SEMA3B: variants seen among roughly 807,000 people sequenced by gnomAD.
SEMA3B encodes the protein semaphorin 3B.
A neutral mutation model predicts 77.8 loss-of-function variants in SEMA3B; 71 were observed. That is an observed-to-expected ratio of 0.91 (90% CI 0.75 to 1.11). SEMA3B has a LOEUF of 1.11. SEMA3B is among the 50% of genes most tolerant of loss of function. SEMA3B has a pLI of 0.00. For missense variants in SEMA3B, 968 were observed against 1,056.8 expected, an observed-to-expected ratio of 0.92 and a Z score of 1.17; for synonymous variants, 470 against 452.9, an observed-to-expected ratio of 1.04 and a Z score of -0.48.
the SEMA3B span, chr3:50,261,895 G>T: frequency 1.3e-5 from 2 of 152,268 alleles, no homozygotes; most frequent in Non-Finnish European, 2.9e-5. Flanking sequence ...TAGGAGTCAG[G>T]GAGTCAGGGA....
In SEMA3B at chr3:50,269,584, G is replaced by A. The variant is rs1553705019; in HGVS notation, c.109+235G>A. 6.6e-6 allele frequency among the ~76,000 whole-genome samples: 1 copy of A among 152,158 alleles called. No homozygotes were observed. The highest frequency in any genetic ancestry group is 2.4e-5 in the African/African-American group (1 of 41,422). On this transcript the variant is annotated intron_variant, in intron 1 of 16. Coordinates refer to ENST00000616701, the MANE Select transcript of SEMA3B (RefSeq NM_001290060.2). The surrounding 1 kb of genome is among the most constrained non-coding windows in gnomAD (Gnocchi z 4.0). ...CAGGAAGACCCCTCCTGTCCCCACA[G>A]CAACAGACCTTGTCTCTGTTCCGTT...
Position 50,274,428 on chromosome 3 carries a change from T to G in SEMA3B, c.1203T>G (p.Phe401Leu). The G allele has an allele frequency of 6.6e-7, 1 of 1,514,278 alleles. No individual in the cohort carries two copies. Among genetic ancestry groups the G allele is most frequent in the South Asian group, 1.3e-5 (1 of 74,424 alleles). The allele number at this position is 1,514,278 out of a possible 1,614,324, so 93.8% of individuals were successfully genotyped here. Reference sequence around the variant, plus strand: ...ACTTCCCAGACGATGTCATCCAGTTTGCGCGGAACCACCCCCTCATGTACA... The same window carrying G: ...ACTTCCCAGACGATGTCATCCAGTTGGCGCGGAACCACCCCCTCATGTACA... ...TKDFPDDVIQFARNHPLMYNS... is the reference protein window; with the variant it reads ...TKDFPDDVIQLARNHPLMYNS... Residue 401 changes from phenylalanine to leucine, a missense_variant, in exon 11 of 17, where the codon TTT becomes TTG. Phe to Leu is a conservative substitution (Grantham distance 22). Coordinates refer to ENST00000616701, the MANE Select transcript of SEMA3B (RefSeq NM_001290060.2). This position sits in a 1 kb window ranked among gnomAD's most constrained non-coding sequence, Gnocchi z 4.7.
At position 50,276,697 on chromosome 3, in the gene SEMA3B, G is replaced by T; in HGVS notation, c.2241G>T (p.Thr747=). 6.5e-7 allele frequency: 1 copy of T among 1,530,318 alleles called. No individual in the cohort carries two copies. Among genetic ancestry groups the T allele is most frequent in the African/African-American group, 1.4e-5 (1 of 71,056 alleles). 94.8% of individuals were successfully genotyped at this position (1,530,318 alleles called of 1,614,324 possible). ...PRAERGPRSA[T]HW is the part of the protein sequence containing the mutation. ...CTGAGCGGGGGCCGCGCAGCGCAAC[G>T]CACTGGTGACCAGACTGTCCCCACG... The change falls in exon 17 of 17, where the codon ACG becomes ACT. Residue 747 remains threonine, a synonymous_variant. Transcript: ENST00000616701. The surrounding 1 kb of genome is among the most constrained non-coding windows in gnomAD (Gnocchi z 5.8).
At position 50,276,465 on chromosome 3, in the gene SEMA3B, G is replaced by A. The variant is rs1553706795; in HGVS notation, c.2009G>A (p.Arg670Gln). The A allele has an allele frequency of 6.5e-7, 1 of 1,532,660 alleles. No homozygotes were observed. Among genetic ancestry groups the A allele is most frequent in the South Asian group, 1.2e-5 (1 of 83,728 alleles). The allele number at this position is 1,532,660 out of a possible 1,614,324, so 94.9% of individuals were successfully genotyped here. ...GTGTTGAGTGCTACGCAGGCCGAAC[G>A]ACTGGCGCGGGCCGAGGAGGCTGCG... ...LHVLSATQAERLARAEEAAPA... is the reference protein window; with the variant it reads ...LHVLSATQAEQLARAEEAAPA... The change falls in exon 17 of 17, where the codon CGA becomes CAA. Residue 670 changes from arginine (R) to glutamine (Q), a missense_variant. Physicochemically the swap from Arg to Gln is conservative, Grantham distance 43. Transcript: ENST00000616701. The surrounding 1 kb of genome is among the most constrained non-coding windows in gnomAD (Gnocchi z 5.8).
upstream of SEMA3B, chr3:50,269,082 C>A: frequency 1.6e-6 from 1 of 611,808 alleles, no homozygotes. The surrounding 1 kb of genome is among the most constrained non-coding windows in gnomAD (Gnocchi z 4.0). Context: ...GCCTCTTTCC[C>A]CTAGGGGCTG....
chr3:50,267,213 C>T (rs1553704585), upstream of SEMA3B: 2 of 152,348 alleles, frequency 1.3e-5, no homozygotes, highest in South Asian at 4.1e-4. The surrounding 1 kb of genome is among the most constrained non-coding windows in gnomAD (Gnocchi z 5.7). Flanking sequence ...TGCCCGGCCA[C>T]CCCAGCCGGT....
At position 50,275,901 on chromosome 3, in the gene SEMA3B, G is replaced by A; in HGVS notation, c.1845+57G>A. ...CCTGTCCCACCCCCTGCATCCAGGA[G>A]AGGCCCCGCCCTACCCAACGAAGCC... On this transcript the variant is annotated intron_variant, in intron 16 of 16. Coordinates refer to ENST00000616701, the MANE Select transcript of SEMA3B (RefSeq NM_001290060.2). This position sits in a 1 kb window ranked among gnomAD's most constrained non-coding sequence, Gnocchi z 7.5. 1 of 1,525,432 alleles carries A rather than the reference G, an allele frequency of 6.6e-7. No individual in the cohort carries two copies. Among genetic ancestry groups the A allele is most frequent in the Non-Finnish European group, 8.8e-7 (1 of 1,142,588 alleles). 94.5% of individuals were successfully genotyped at this position (1,525,432 alleles called of 1,614,324 possible). A position where few individuals can be genotyped will look rare whatever the true frequency, so the allele number is the denominator to read the frequency against.
chr3:50,265,295 T>C (rs1700877640), upstream of SEMA3B, among the ~76,000 whole-genome samples: 1 of 152,166 alleles, frequency 6.6e-6, no homozygotes. Context: ...AGTTGTGACG[T>C]TGGAGCCACA....
chr3:50,266,230 G>C (rs587641363), upstream of SEMA3B, among the ~76,000 whole-genome samples: 1 of 152,270 alleles, frequency 6.6e-6, no homozygotes, highest in African/African-American at 2.4e-5. Flanking sequence ...AAAGAATGTT[G>C]TCTGCTTGCA....
chr3:50,271,012 A>G lies in SEMA3B; in HGVS notation c.450+3A>G, dbSNP rs372431027. On this transcript the variant is annotated splice_donor_region_variant and intron_variant, in intron 4 of 16. Transcript: ENST00000616701. Reference sequence around the variant, plus strand: ...TGGAAGTGGGCCACCGGGCAGAGGTAAGGCCGGATCTAGGCAGGGAGGGAG... The same window carrying G: ...TGGAAGTGGGCCACCGGGCAGAGGTGAGGCCGGATCTAGGCAGGGAGGGAG... The G allele has an allele frequency of 2.4e-5, 39 of 1,599,114 alleles. No homozygotes were observed. In the African/African-American group the frequency reaches 4.6e-4, roughly 19 times the overall value.
chr3:50,260,364 G>A, the SEMA3B span: 1 of 152,236 alleles, frequency 6.6e-6, no homozygotes, highest in Non-Finnish European at 1.5e-5. Flanking sequence ...AGAGACCCGG[G>A]ACCCCGTCCC....
In SEMA3B at chr3:50,274,699, T is replaced by C. The variant is rs1380804154; in HGVS notation, c.1357+117T>C. The C allele has an allele frequency of 2.2e-6, 3 of 1,394,712 alleles. No individual in the cohort carries two copies. Among genetic ancestry groups the C allele is most frequent in the African/African-American group, 2.8e-5 (2 of 70,262 alleles). 86.4% of individuals were successfully genotyped at this position (1,394,712 alleles called of 1,614,324 possible). A position where few individuals can be genotyped will look rare whatever the true frequency, so the allele number is the denominator to read the frequency against. On this transcript the variant is annotated intron_variant, in intron 11 of 16. Transcript: ENST00000616701. This position sits in a 1 kb window ranked among gnomAD's most constrained non-coding sequence, Gnocchi z 4.7. Reference sequence around the variant, plus strand: ...CCTTTCCTGGGCTGTGTCTCCACCCTGTGGATGCTGCCCAACCCACACTCT... The same window carrying C: ...CCTTTCCTGGGCTGTGTCTCCACCCCGTGGATGCTGCCCAACCCACACTCT...
In SEMA3B at chr3:50,276,110, C is replaced by T. The variant is rs1374243747; in HGVS notation, c.1846-192C>T. 4 of 858,606 alleles carry T rather than the reference C, an allele frequency of 4.7e-6. No homozygotes were observed. The Admixed American group carries it at 1.3e-4, about 28-fold the overall frequency. 53.2% of individuals were successfully genotyped at this position (858,606 alleles called of 1,614,324 possible). A position where few individuals can be genotyped will look rare whatever the true frequency, so the allele number is the denominator to read the frequency against. The stretch of plus-strand genomic sequence containing the variant: ...ACCCCCCACCAAGTTCATGTAAACC[C>T]CGCCTCTTTCGGATTCTCCCTTGAA... On this transcript the variant is annotated intron_variant, in intron 16 of 16. Transcript: ENST00000616701. The surrounding 1 kb of genome is among the most constrained non-coding windows in gnomAD (Gnocchi z 5.8).
Position 50,274,305 on chromosome 3 carries a change from T to C in SEMA3B, c.1138-58T>C. On this transcript the variant is annotated intron_variant, in intron 10 of 16. Transcript: ENST00000616701. The surrounding 1 kb of genome is among the most constrained non-coding windows in gnomAD (Gnocchi z 4.7). ...TTCCCAGAGGCTGGGCATGGAGGGCTGCCTATCAAGCCCCCATATCTATAT... is the reference window on the plus strand; with the variant it reads ...TTCCCAGAGGCTGGGCATGGAGGGCCGCCTATCAAGCCCCCATATCTATAT... The C allele has an allele frequency of 7.4e-7, 1 of 1,347,394 alleles. No individual in the cohort carries two copies. Among genetic ancestry groups the C allele is most frequent in the South Asian group, 1.5e-5 (1 of 67,372 alleles). The allele number at this position is 1,347,394 out of a possible 1,614,324, so 83.5% of individuals were successfully genotyped here. A position where few individuals can be genotyped will look rare whatever the true frequency, so the allele number is the denominator to read the frequency against.
At position 50,269,853 on chromosome 3, in the gene SEMA3B, C is replaced by T. The variant is rs2109236196; in HGVS notation, c.110-274C>T. Among the ~76,000 whole-genome samples, 1 of 152,284 alleles carries T rather than the reference C, an allele frequency of 6.6e-6. No individual in the cohort carries two copies. The highest frequency in any genetic ancestry group is 1.5e-5 in the Non-Finnish European group (1 of 68,004). The stretch of plus-strand genomic sequence containing the variant: ...ACTCTGGTGTCCATAAGCCTTGCCT[C>T]CCAGTGCGCCCGCCTGGAGACACCA... On this transcript the variant is annotated intron_variant, in intron 1 of 16. Coordinates refer to ENST00000616701, the MANE Select transcript of SEMA3B (RefSeq NM_001290060.2). This position sits in a 1 kb window ranked among gnomAD's most constrained non-coding sequence, Gnocchi z 4.0.
upstream of SEMA3B, among the ~76,000 whole-genome samples, chr3:50,263,919 C>T (rs1478102188): frequency 2.6e-5 from 4 of 151,814 alleles, no homozygotes; most frequent in Admixed American, 1.3e-4. Context: ...CTGAGGTGGC[C>T]GGGAGCGGTG....
chr3:50,265,013 A>G (rs1227600371), upstream of SEMA3B, among the ~76,000 whole-genome samples: 3 of 152,146 alleles, frequency 2.0e-5, no homozygotes, highest in African/African-American at 4.8e-5. Flanking sequence ...CAGTTCTGAC[A>G]GGGCCCTCAG....
Position 50,276,820 on chromosome 3 carries a change from A to T in SEMA3B, c.*114A>T. ...CGGGCACATTGGGGGTCACCGGCCG[A>T]TGGAGACACCAACCGACAGGCCCTG... On this transcript the variant is annotated 3_prime_UTR_variant, in exon 17 of 17. Coordinates refer to ENST00000616701, the MANE Select transcript of SEMA3B (RefSeq NM_001290060.2). The surrounding 1 kb of genome is among the most constrained non-coding windows in gnomAD (Gnocchi z 5.8). 3.2e-6 allele frequency: 4 copies of T among 1,248,118 alleles called. No homozygotes were observed. The highest frequency in any genetic ancestry group is 4.2e-6 in the Non-Finnish European group (4 of 951,828). The allele number at this position is 1,248,118 out of a possible 1,614,324, so 77.3% of individuals were successfully genotyped here. A position where few individuals can be genotyped will look rare whatever the true frequency, so the allele number is the denominator to read the frequency against.
At position 50,270,047 on chromosome 3, in the gene SEMA3B, C is replaced by T. The variant is rs1024016523; in HGVS notation, c.110-80C>T. 49 of 1,424,738 alleles carry T rather than the reference C, an allele frequency of 3.4e-5. No homozygotes were observed. Among genetic ancestry groups the T allele is most frequent in the South Asian group, 7.2e-5 (5 of 69,164 alleles). 88.3% of individuals were successfully genotyped at this position (1,424,738 alleles called of 1,614,324 possible). A position where few individuals can be genotyped will look rare whatever the true frequency, so the allele number is the denominator to read the frequency against. ...GCCAGGTCCTAATGGCAACCTTGGC[C>T]GATAGAGTCACCACCAGGCAGGACC... On this transcript the variant is annotated intron_variant, in intron 1 of 16. Transcript: ENST00000616701. The surrounding 1 kb of genome is among the most constrained non-coding windows in gnomAD (Gnocchi z 4.7).
Sources: gnomAD v4.1 joint callset for allele counts (sites outside exome capture counted in the v4.1 genomes callset) on GRCh38, gnomAD v4.1.1 for gene constraint, Gnocchi (gnomAD v3.1) non-coding constraint, MANE v1.5 for transcripts, NCBI Gene and HGNC (gene_info 2026-07-23, HGNC 2026-07-21) for gene names.